The following ENTREP2 variants were observed in gnomAD, a reference collection of about 807,000 sequenced individuals.
ENTREP2 encodes the protein endosomal transmembrane epsin interactor 2.
the ENTREP2 span, among the ~76,000 whole-genome samples, chr15:29,481,135 C>T: frequency 2.6e-5 from 4 of 152,300 alleles, 1 homozygote; most frequent in African/African-American, 9.6e-5. Context: ...ACAGCTACAC[C>T]ATCCCTGCTT....
the ENTREP2 span, among the ~76,000 whole-genome samples, chr15:29,360,116 G>C: frequency 6.6e-6 from 1 of 152,150 alleles, no homozygotes; most frequent in African/African-American, 2.4e-5. Context: ...TTATTCTGAT[G>C]ATTTATTTGT....
At chr15:29,154,074 G>A in the ENTREP2 span, among the ~76,000 whole-genome samples, 1 of 152,186 alleles carries the variant, frequency 6.6e-6, no homozygotes, top group Non-Finnish European at 1.5e-5. Context: ...TTAGTACATA[G>A]AAATGTGATT....
chr15:29,640,058 C>T, the ENTREP2 span, among the ~76,000 whole-genome samples: 1 of 152,170 alleles, frequency 6.6e-6, no homozygotes, highest in Non-Finnish European at 1.5e-5. Context: ...TGTGAGCCAC[C>T]ACGCCCAGCC....
At chr15:29,157,660 T>A in the ENTREP2 span, among the ~76,000 whole-genome samples, 1,111 of 152,180 alleles carry the variant, frequency 7.3e-3, 10 homozygotes, top group African/African-American at 0.025. Flanking sequence ...GAAGTCATAA[T>A]TAGAACTCTT....
the ENTREP2 span, among the ~76,000 whole-genome samples, chr15:29,522,815 T>A: frequency 6.6e-6 from 1 of 152,200 alleles, no homozygotes. Flanking sequence ...TTGCTCAGTG[T>A]GACATGTCTT....
the ENTREP2 span, among the ~76,000 whole-genome samples, chr15:29,525,581 T>C: frequency 6.6e-6 from 1 of 152,192 alleles, no homozygotes; most frequent in African/African-American, 2.4e-5. Flanking sequence ...ACTAGGCACA[T>C]GAAACAACAT....
At chr15:29,408,769 T>C in the ENTREP2 span, among the ~76,000 whole-genome samples, 59 of 152,204 alleles carry the variant, frequency 3.9e-4, no homozygotes, top group African/African-American at 1.4e-3. Context: ...TATTCTGAAA[T>C]TTTTCAAATA....
chr15:29,371,349 A>ACACACACACACACACAC, the ENTREP2 span, among the ~76,000 whole-genome samples: 2 of 133,892 alleles, frequency 1.5e-5, no homozygotes, highest in African/African-American at 5.4e-5. Context: ...CACCCCCGCA[A>ACACACACACACACACAC]ACACACACAC....
At chr15:29,371,489 A>G in the ENTREP2 span, among the ~76,000 whole-genome samples, 1 of 152,120 alleles carries the variant, frequency 6.6e-6, no homozygotes, top group Non-Finnish European at 1.5e-5. Flanking sequence ...ATTGAGTGGG[A>G]AAAAAATAGC....
At chr15:29,154,554 A>G in the ENTREP2 span, among the ~76,000 whole-genome samples, 1 of 152,224 alleles carries the variant, frequency 6.6e-6, no homozygotes, top group South Asian at 2.1e-4. Flanking sequence ...AAGCTATCAG[A>G]AAACATGAAT....
At chr15:29,171,508 G>C in the ENTREP2 span, among the ~76,000 whole-genome samples, 18,949 of 152,094 alleles carry the variant, frequency 0.12, 3,257 homozygotes, top group African/African-American at 0.39. Context: ...GCTGCAGGAG[G>C]TCCTGTCTCC....
At chr15:29,439,302 C>CACACACACAT in the ENTREP2 span, among the ~76,000 whole-genome samples, 1 of 146,762 alleles carries the variant, frequency 6.8e-6, no homozygotes, top group African/African-American at 2.6e-5. Context: ...CACACACACA[C>CACACACACAT]ACACACACAC....
chr15:29,187,240 T>A, the ENTREP2 span, among the ~76,000 whole-genome samples: 1 of 152,182 alleles, frequency 6.6e-6, no homozygotes, highest in African/African-American at 2.4e-5. Flanking sequence ...CACAACATAT[T>A]ACACTGTCAC....
the ENTREP2 span, among the ~76,000 whole-genome samples, chr15:29,402,246 A>G: frequency 2.7e-5 from 4 of 147,560 alleles, no homozygotes; most frequent in Non-Finnish European, 6.0e-5. Context: ...ATCATATTAT[A>G]GAAGAATATA....
At chr15:29,401,947 T>C in the ENTREP2 span, among the ~76,000 whole-genome samples, 1 of 152,186 alleles carries the variant, frequency 6.6e-6, no homozygotes, top group Non-Finnish European at 1.5e-5. Flanking sequence ...AACATTGCTC[T>C]CTTGGAACGA....
At chr15:29,227,665 A>C in the ENTREP2 span, among the ~76,000 whole-genome samples, 1 of 152,170 alleles carries the variant, frequency 6.6e-6, no homozygotes, top group African/African-American at 2.4e-5. Context: ...GAAGGAGAAG[A>C]CGGAAGGAAA....
chr15:29,175,059 A>G, the ENTREP2 span, among the ~76,000 whole-genome samples: 5 of 152,278 alleles, frequency 3.3e-5, no homozygotes, highest in African/African-American at 1.2e-4. Flanking sequence ...TGTTCTGAGC[A>G]TTCAGGTCCA....
the ENTREP2 span, among the ~76,000 whole-genome samples, chr15:29,170,812 T>C: frequency 2.6e-5 from 4 of 152,360 alleles, no homozygotes; most frequent in East Asian, 7.7e-4. Context: ...GTCTGCTGTT[T>C]ATACCACCCC....
chr15:29,333,261 G>A, the ENTREP2 span, among the ~76,000 whole-genome samples: 4 of 152,062 alleles, frequency 2.6e-5, no homozygotes, highest in African/African-American at 9.7e-5. Flanking sequence ...AACATCAAAC[G>A]CCACCATAAG....
Sources: allele counts gnomAD v4.1 joint callset (sites outside exome capture counted in the v4.1 genomes callset), GRCh38; gene constraint gnomAD v4.1.1; transcripts MANE v1.5; gene names NCBI Gene and HGNC (gene_info 2026-07-23, HGNC 2026-07-21).